Variants in DYNC2H1 observed in about 807,000 individuals in gnomAD.
The protein encoded by DYNC2H1 is cytoplasmic dynein 2 heavy chain 1.
A neutral mutation model predicts 570.0 loss-of-function variants in DYNC2H1; 410 were observed. That is an observed-to-expected ratio of 0.72 (90% CI 0.66 to 0.78). The LOEUF (loss-of-function observed/expected upper bound fraction) is 0.78. Among genes scored for constraint, DYNC2H1 ranks in the 30% least tolerant of loss-of-function variants. DYNC2H1 has a pLI of 0.00. For missense variants in DYNC2H1, 4,865 were observed against 5,046.4 expected (o/e 0.96, Z 1.09); for synonymous variants, 1,688 against 1,677.6 (o/e 1.01, Z -0.15).
chr11:103,398,916 G>A (rs941519022), intron 83 of DYNC2H1, among the ~76,000 whole-genome samples: 1 of 151,786 alleles, frequency 6.6e-6, no homozygotes, highest in Non-Finnish European at 1.5e-5. Flanking sequence ...GTTTTACTGT[G>A]GTTTTGTGTT....
intron 88 of DYNC2H1, among the ~76,000 whole-genome samples, chr11:103,473,513 C>T (rs960148271): frequency 1.3e-5 from 2 of 152,110 alleles, no homozygotes; most frequent in Admixed American, 1.3e-4. Context: ...TAATAATTCT[C>T]TATGAAAAAT....
intron 62 of DYNC2H1, 138 bp downstream of exon 62, chr11:103,235,951 C>T (rs1482873156): frequency 9.4e-7 from 1 of 1,061,322 alleles, no homozygotes; most frequent in Non-Finnish European, 1.3e-6. Flanking sequence ...ATATGGGTTC[C>T]AAGGATACCC....
At chr11:103,282,861 A>G (rs1183024753) in intron 72 of DYNC2H1, 147 bp from the exon 73 acceptor site, 2 of 582,424 alleles carry the variant, frequency 3.4e-6, no homozygotes, top group Non-Finnish European at 5.9e-6. Context: ...GAATTTTACC[A>G]TGGTGACTTG....
At chr11:103,221,359 G>C (rs1863580958) in intron 57 of DYNC2H1, among the ~76,000 whole-genome samples, 1 of 152,198 alleles carries the variant, frequency 6.6e-6, no homozygotes, top group Admixed American at 6.5e-5. Context: ...TATATCTGGA[G>C]ATGGAGGAGG....
intron 82 of DYNC2H1, among the ~76,000 whole-genome samples, chr11:103,349,495 A>T (rs1939935985): frequency 6.6e-6 from 1 of 152,162 alleles, no homozygotes; most frequent in Non-Finnish European, 1.5e-5. Flanking sequence ...CTCAAGGCAG[A>T]TACAGCATTT....
chr11:103,416,725 T>C (rs934953562), intron 84 of DYNC2H1, among the ~76,000 whole-genome samples: 3 of 152,292 alleles, frequency 2.0e-5, no homozygotes, highest in South Asian at 4.1e-4. Context: ...ACATAGGCAC[T>C]GGCAAAGACT....
At chr11:103,458,664 T>C (rs1944882821) in intron 87 of DYNC2H1, among the ~76,000 whole-genome samples, 2 of 105,528 alleles carry the variant, frequency 1.9e-5, no homozygotes, top group Admixed American at 1.9e-4. Context: ...TCTTAGCTCT[T>C]TTTCCTGTTA....
intron 29 of DYNC2H1, among the ~76,000 whole-genome samples, chr11:103,162,700 G>A (rs1038081602): frequency 4.6e-5 from 7 of 152,034 alleles, no homozygotes; most frequent in Non-Finnish European, 7.4e-5. Flanking sequence ...AAGTGAATGG[G>A]TCGACTTTTA....
intron 83 of DYNC2H1, among the ~76,000 whole-genome samples, chr11:103,377,495 ATT>A (rs1565541167): frequency 6.6e-6 from 1 of 152,118 alleles, no homozygotes; most frequent in African/African-American, 2.4e-5. Context: ...AAAATTTAAT[ATT>A]CTTATTAAAT....
intron 57 of DYNC2H1, 26 bp downstream of exon 57, chr11:103,220,809 A>G (rs1311759597): frequency 1.3e-6 from 2 of 1,584,090 alleles, no homozygotes; most frequent in African/African-American, 1.4e-5. Context: ...TGTGAAAAAT[A>G]TTATTTCGGC....
chr11:103,109,863 C>T (rs1858027377), intron 1 of DYNC2H1, 94 bp downstream of exon 1: 1 of 1,302,184 alleles, frequency 7.7e-7, no homozygotes, highest in East Asian at 2.5e-5. Flanking sequence ...TTAGCTTTAC[C>T]AACCAGATCC....
intron 75 of DYNC2H1, among the ~76,000 whole-genome samples, chr11:103,291,504 GA>G (rs1230141236): frequency 1.3e-5 from 2 of 152,132 alleles, no homozygotes. Flanking sequence ...ACTCCTTTAA[GA>G]GTTATAAGTA....
chr11:103,191,661 T>TGTGTGTGC lies in DYNC2H1; in HGVS notation c.7540+43_7540+44insTGTGTGCG, dbSNP rs757232779. On this transcript the variant is annotated intron_variant, in intron 46 of 88. Transcript: ENST00000375735. Reference sequence around the variant, plus strand: ...TGTATCTTGTGTGTGTGTGTGTGTGTGCACATTTATTCTCTAGATTGTATT... The same window carrying TGTGTGTGC: ...TGTATCTTGTGTGTGTGTGTGTGTGTGTGTGTGCGCACATTTATTCTCTAGATTGTATT... The TGTGTGTGC allele has an allele frequency of 4.1e-6, 5 of 1,224,476 alleles. No individual in the cohort carries two copies. The South Asian group carries it at 8.8e-5, about 22-fold the overall frequency. The allele number at this position is 1,224,476 out of a possible 1,614,324, so 75.9% of individuals were successfully genotyped here. A position where few individuals can be genotyped will look rare whatever the true frequency, so the allele number is the denominator to read the frequency against.
intron 84 of DYNC2H1, among the ~76,000 whole-genome samples, chr11:103,428,004 G>GTA (rs1591740422): frequency 1.3e-5 from 2 of 150,704 alleles, no homozygotes; most frequent in South Asian, 4.2e-4. Flanking sequence ...ATATATATAA[G>GTA]TATATATATA....
Position 103,324,080 on chromosome 11 carries a change from A to G in DYNC2H1, c.12039+90A>G. ...AACTTGATTTAGTACTGTAGACCCC[A>G]CAAGCTTTATTTAAACATTTTATTT... On this transcript the variant is annotated intron_variant, in intron 82 of 88. Transcript: ENST00000375735. The surrounding 1 kb of genome is among the most constrained non-coding windows in gnomAD (Gnocchi z 5.2). 1.5e-6 allele frequency: 1 copy of G among 654,614 alleles called. No individual in the cohort carries two copies. The highest frequency in any genetic ancestry group is 5.4e-5 in the South Asian group (1 of 18,378). The allele number at this position is 654,614 out of a possible 1,614,324, so 40.6% of individuals were successfully genotyped here.
chr11:103,315,865 A>T (rs11225707), intron 79 of DYNC2H1, among the ~76,000 whole-genome samples: 25,168 of 151,912 alleles, frequency 0.17, 2,262 homozygotes, highest in Admixed American at 0.25. Context: ...TACATATTTT[A>T]AAAATATTTT....
intron 78 of DYNC2H1, among the ~76,000 whole-genome samples, chr11:103,310,856 A>G (rs1867555413): frequency 6.6e-6 from 1 of 151,122 alleles, no homozygotes; most frequent in Admixed American, 6.6e-5. Flanking sequence ...ACACCTGGCT[A>G]ATTTTTTATT....
rs1944172022 is a variant in DYNC2H1, at chr11:103,439,182, G to A, written c.12456+3150G>A. Among the ~76,000 whole-genome samples the A allele has an allele frequency of 6.6e-6, 1 of 152,058 alleles. No individual in the cohort carries two copies. The highest frequency in any genetic ancestry group is 1.5e-5 in the Non-Finnish European group (1 of 68,010). ...AAGTACAGTATTATGGAAGCAAATA[G>A]CACTATTTAACCTAGAAGGGGTCAG... On this transcript the variant is annotated intron_variant, in intron 85 of 88. Transcript: ENST00000375735. The surrounding 1 kb of genome is among the most constrained non-coding windows in gnomAD (Gnocchi z 4.1).
chr11:103,318,857 A>G (rs1026635736), intron 80 of DYNC2H1, among the ~76,000 whole-genome samples: 1 of 152,168 alleles, frequency 6.6e-6, no homozygotes, highest in African/African-American at 2.4e-5. Context: ...TCAGTATTTT[A>G]GAAGTGGCTT....
Sources: gnomAD v4.1 joint callset for allele counts (sites outside exome capture counted in the v4.1 genomes callset) on GRCh38, gnomAD v4.1.1 for gene constraint, Gnocchi (gnomAD v3.1) non-coding constraint, MANE v1.5 for transcripts, NCBI Gene and HGNC (gene_info 2026-07-23, HGNC 2026-07-21) for gene names.